The following SYNE2 variants were observed in gnomAD, a reference collection of about 807,000 sequenced individuals.
The protein encoded by SYNE2 is nesprin-2.
A neutral mutation model predicts 856.3 loss-of-function variants in SYNE2; 431 were observed. The ratio of observed to expected loss-of-function variants is 0.50; its 90% CI spans 0.47 to 0.55. The LOEUF is 0.55. Ranked by LOEUF, SYNE2 falls within the 20% of genes least tolerant of loss-of-function variation. SYNE2 has a pLI of 0.00. For synonymous variants in SYNE2, 2,923 were observed against 2,872.3 expected (o/e 1.02, Z -0.56); for missense variants, 8,129 against 8,023.2 (o/e 1.01, Z -0.50).
chr14:64,163,479 C>G lies in SYNE2; in HGVS notation c.16377C>G (p.Pro5459=). ...NSSVLDRLPQ[P]AESSTHMLLP... ...GTGTCCTGGATCGACTCCCACAACC[C>G]GCAGAGTCCAGCACCCACATGCTCC... The change falls in exon 89 of 116, where the codon CCC becomes CCG. Residue 5459 remains proline (P), a synonymous_variant. Coordinates refer to ENST00000555002, the MANE Select transcript of SYNE2 (RefSeq NM_182914.3). 1 of 1,614,174 alleles carries G rather than the reference C, an allele frequency of 6.2e-7. No individual in the cohort carries two copies. Among genetic ancestry groups the G allele is most frequent in the Non-Finnish European group, 8.5e-7 (1 of 1,180,038 alleles).
intron 32 of SYNE2, among the ~76,000 whole-genome samples, chr14:64,015,734 G>C (rs2096887521): frequency 6.6e-6 from 1 of 151,478 alleles, no homozygotes; most frequent in Non-Finnish European, 1.5e-5. Context: ...TGCTTGCTTT[G>C]GGTTTATTTT....
rs1008036858 is a variant in SYNE2, at chr14:64,223,046, A to C, written c.20191-143A>C. 4 of 766,638 alleles carry C rather than the reference A, an allele frequency of 5.2e-6. No individual in the cohort carries two copies. The African/African-American group carries it at 6.9e-5, about 13-fold the overall frequency. The allele number at this position is 766,638 out of a possible 1,614,324, so 47.5% of individuals were successfully genotyped here. ...TAGTGCTGGGCTGGAGGACACAGGC[A>C]GATATGAGAAATAGAGGATTCTCGA... On this transcript the variant is annotated intron_variant, in intron 112 of 115. Transcript: ENST00000555002.
chr14:64,113,710 T>C, intron 66 of SYNE2, 139 bp downstream of exon 66: 1 of 945,282 alleles, frequency 1.1e-6, no homozygotes, highest in South Asian at 1.4e-5. Context: ...AGCTTTTAGT[T>C]CTCAGGGTAA....
intron 105 of SYNE2, 71 bp from the exon 106 acceptor site, chr14:64,214,123 A>G (rs1176398609): frequency 3.1e-6 from 5 of 1,611,712 alleles, no homozygotes; most frequent in Middle Eastern, 3.3e-4. Flanking sequence ...AGATAGGCAG[A>G]CTTCTCATGC....
intron 1 of SYNE2, among the ~76,000 whole-genome samples, chr14:63,897,420 T>C (rs2095270741): frequency 6.6e-6 from 1 of 152,204 alleles, no homozygotes; most frequent in African/African-American, 2.4e-5. Flanking sequence ...CACTTCTGCA[T>C]GAATCAGCGA....
At chr14:63,821,707 C>T (rs1026543795) in intron 1 of SYNE2, among the ~76,000 whole-genome samples, 3 of 150,848 alleles carry the variant, frequency 2.0e-5, no homozygotes, top group Admixed American at 6.6e-5. Context: ...GAGCCAAGAT[C>T]GTGCCACTGC....
At chr14:63,916,217 A>G (rs1595614008) in intron 2 of SYNE2, among the ~76,000 whole-genome samples, 1 of 152,196 alleles carries the variant, frequency 6.6e-6, no homozygotes, top group East Asian at 1.9e-4. Flanking sequence ...ATGACCAAAA[A>G]TGTTGTCTGG....
At position 64,174,984 on chromosome 14, in the gene SYNE2, C is replaced by T. The variant is rs1401631147; in HGVS notation, c.17276C>T (p.Ala5759Val). The T allele has an allele frequency of 1.2e-6, 2 of 1,614,050 alleles. No individual in the cohort carries two copies. The highest frequency in any genetic ancestry group is 2.2e-5 in the South Asian group (2 of 91,076). ...IHFQRRRTTC[A>V]LTLEAGEKLL... ...TTTCAAAGGAGGCGAACTACCTGTG[C>T]CCTAACCTTGGAAGCTGGAGAAAAG... Residue 5759 changes from alanine to valine, a missense_variant, in exon 95 of 116, where the codon GCC becomes GTC. Coordinates refer to ENST00000555002, the MANE Select transcript of SYNE2 (RefSeq NM_182914.3).
intron 1 of SYNE2, among the ~76,000 whole-genome samples, chr14:63,879,720 A>T (rs1223675389): frequency 1.3e-5 from 2 of 152,252 alleles, no homozygotes; most frequent in African/African-American, 4.8e-5. Context: ...GCAACAGAGG[A>T]CAAAAGTATT....
In SYNE2 at chr14:63,794,158, T is replaced by G. The variant is rs755427509; in HGVS notation, c.-305+32172T>G. 5.9e-5 allele frequency among the ~76,000 whole-genome samples: 9 copies of G among 152,186 alleles called. 1 individual carries two copies. The highest frequency in any genetic ancestry group is 5.2e-4 in the Admixed American group (8 of 15,270). ...GACAGAATTGAAGTGAGAAATACAATTCAACAATAACTGGAAACTTTATTT... is the reference window on the plus strand; with the variant it reads ...GACAGAATTGAAGTGAGAAATACAAGTCAACAATAACTGGAAACTTTATTT... On this transcript the variant is annotated intron_variant, in intron 1 of 23. Transcript: ENST00000674003.
chr14:64,113,127 A>G (rs894268655), intron 65 of SYNE2: 1 of 985,202 alleles, frequency 1.0e-6, no homozygotes, highest in Non-Finnish European at 1.2e-6. Context: ...GGAATACTGT[A>G]CCTGCTTACT....
chr14:64,022,633 T>G, intron 37 of SYNE2, 118 bp from the exon 38 acceptor site: 4 of 717,566 alleles, frequency 5.6e-6, no homozygotes, highest in Non-Finnish European at 1.0e-5. Context: ...CAGAGGTTAT[T>G]ACCACTTTCA....
At chr14:64,212,774 C>CT (rs765013771) in intron 104 of SYNE2, 37 bp from the exon 105 acceptor site, 3 of 1,606,296 alleles carry the variant, frequency 1.9e-6, no homozygotes, top group Non-Finnish European at 2.6e-6. Flanking sequence ...CTCAGGGTAA[C>CT]TTTCTTTGAA....
At chr14:64,019,288 T>A (rs1372392478) in intron 34 of SYNE2, among the ~76,000 whole-genome samples, 4 of 137,606 alleles carry the variant, frequency 2.9e-5, no homozygotes, top group South Asian at 2.4e-4. Context: ...AAAAAAAAAA[T>A]TTGTTCTCTT....
rs865865511 is a variant in SYNE2, at chr14:64,037,140, T to C, written c.7221+5783T>C. On this transcript the variant is annotated intron_variant, in intron 45 of 115. Transcript: ENST00000555002. ...ACAGAAATACTGTCTCCTCTTTTTTTTTTTTTTTTAATTGATCATTCTTGG... is the reference window on the plus strand; with the variant it reads ...ACAGAAATACTGTCTCCTCTTTTTTCTTTTTTTTTAATTGATCATTCTTGG... Among the ~76,000 whole-genome samples, 181 of 152,030 alleles carry C rather than the reference T, an allele frequency of 1.2e-3. 1 individual carries two copies. Among genetic ancestry groups the C allele is most frequent in the Non-Finnish European group, 2.1e-3 (141 of 67,954 alleles).
intron 103 of SYNE2, among the ~76,000 whole-genome samples, chr14:64,210,925 C>G (rs1388899956): frequency 2.0e-5 from 3 of 152,134 alleles, no homozygotes; most frequent in Non-Finnish European, 4.4e-5. Context: ...CTTTCTGTCT[C>G]TCTCTCCCTT....
chr14:64,099,768 CTTTAAG>C, intron 63 of SYNE2: 1 of 151,550 alleles, frequency 6.6e-6, no homozygotes, highest in East Asian at 1.9e-4. Context: ...TATTATTATA[CTTTAAG>C]TTTTAGGGTA....
chr14:64,009,877 A>G (rs1271656009), intron 31 of SYNE2, 89 bp from the exon 32 acceptor site: 11 of 1,179,150 alleles, frequency 9.3e-6, no homozygotes, highest in Non-Finnish European at 2.5e-6. Flanking sequence ...TTTACACCTT[A>G]TTCATCATTT....
At chr14:64,123,595 G>A (rs901202372) in intron 70 of SYNE2, among the ~76,000 whole-genome samples, 9 of 152,142 alleles carry the variant, frequency 5.9e-5, no homozygotes, top group Admixed American at 2.0e-4. Flanking sequence ...CTTTCCCCAA[G>A]CAGAGTCATC....
Sources: allele counts gnomAD v4.1 joint callset (sites outside exome capture counted in the v4.1 genomes callset), GRCh38; gene constraint gnomAD v4.1.1; transcripts MANE v1.5; gene names NCBI Gene and HGNC (gene_info 2026-07-23, HGNC 2026-07-21).